The following RPTOR variants were observed in gnomAD, a reference collection of about 807,000 sequenced individuals.
RPTOR encodes regulatory associated protein of MTOR complex 1, also known as regulatory-associated protein of mTOR.
A neutral mutation model predicts 169.9 loss-of-function variants in RPTOR; 21 were observed. The observed-to-expected ratio is 0.12, with a 90% CI of 0.09 to 0.18. The LOEUF (loss-of-function observed/expected upper bound fraction) is 0.18, where lower values mean the gene tolerates loss of function less well. Among genes scored for constraint, RPTOR ranks in the 10% least tolerant of loss-of-function variants. The probability of loss-of-function intolerance (pLI) is 1.00; values close to 1 mark genes in which losing one functional copy is unlikely to be tolerated. For synonymous variants in RPTOR, 732 were observed against 753.2 expected (o/e 0.97, Z 0.46); for missense variants, 1,133 against 1,855.9 (o/e 0.61, Z 7.16).
At chr17:80,849,976 AAG>A (rs10602652) in intron 11 of RPTOR, among the ~76,000 whole-genome samples, 3,080 of 152,312 alleles carry the variant, frequency 0.02, 93 homozygotes, top group African/African-American at 0.071. Flanking sequence ...TAGGTTATGG[AAG>A]AGAGGGGAGA....
rs371742762 is a variant in RPTOR at position 80,576,862 on chromosome 17, C to T, written c.162+31071C>T. Among the ~76,000 whole-genome samples the T allele has an allele frequency of 7.1e-4, 108 of 152,238 alleles. No individual in the cohort carries two copies. The Middle Eastern group carries it at 0.01, about 14-fold the overall frequency. On this transcript the variant is annotated intron_variant, in intron 1 of 33. Transcript: ENST00000306801. Reference sequence around the variant, plus strand: ...GGGACAGCAGGTGTGTACCACCACACCCAGCTAATTTTTGTATTTTTTGTA... The same window carrying T: ...GGGACAGCAGGTGTGTACCACCACATCCAGCTAATTTTTGTATTTTTTGTA...
intron 9 of RPTOR, among the ~76,000 whole-genome samples, chr17:80,831,799 GTGTATCCCTGTGTGTCACCA>G (rs142233822): frequency 2.7e-5 from 4 of 150,838 alleles, no homozygotes; most frequent in African/African-American, 7.3e-5. Context: ...GTGTGTCACC[GTGTATCCCTGTGTGTCACCA>G]TGTATCCCTG....
At chr17:80,742,558 A>G (rs1344813539) in intron 5 of RPTOR, among the ~76,000 whole-genome samples, 1 of 147,028 alleles carries the variant, frequency 6.8e-6, no homozygotes, top group African/African-American at 2.5e-5. Context: ...CTACATTTAC[A>G]TACATGTATG....
chr17:80,624,255 T>A (rs7209279), intron 1 of RPTOR, among the ~76,000 whole-genome samples: 114,294 of 152,166 alleles, frequency 0.75, 43,915 homozygotes, highest in African/African-American at 0.9. Context: ...CAGTTAAAGG[T>A]ACATTTGAAT....
chr17:80,745,450 G>A (rs1347974394), intron 5 of RPTOR, among the ~76,000 whole-genome samples: 1 of 152,156 alleles, frequency 6.6e-6, no homozygotes, highest in East Asian at 1.9e-4. Flanking sequence ...CCAGCAATAG[G>A]CGCAACTTGG....
At chr17:80,591,937 T>C (rs569185435) in intron 1 of RPTOR, among the ~76,000 whole-genome samples, 2 of 152,338 alleles carry the variant, frequency 1.3e-5, no homozygotes, top group African/African-American at 4.8e-5. Context: ...ATCTTCTTTG[T>C]TATCTGTTTG....
chr17:80,700,540 GATGA>G (rs2066080546), intron 3 of RPTOR, among the ~76,000 whole-genome samples: 2 of 99,766 alleles, frequency 2.0e-5, no homozygotes, highest in Non-Finnish European at 4.5e-5. Context: ...TGGTGGTGAT[GATGA>G]TGGTGGTGGT....
At chr17:80,636,728 G>A (rs1449836544) in intron 2 of RPTOR, among the ~76,000 whole-genome samples, 1 of 151,748 alleles carries the variant, frequency 6.6e-6, no homozygotes, top group Non-Finnish European at 1.5e-5. Flanking sequence ...CCCGCAACAC[G>A]CCCCAGTACC....
chr17:80,814,913 A>C (rs1261080026), intron 7 of RPTOR, among the ~76,000 whole-genome samples: 2 of 152,150 alleles, frequency 1.3e-5, no homozygotes, highest in Admixed American at 1.3e-4. Flanking sequence ...GTGTCCTGAG[A>C]GGAGGCCGGA....
chr17:80,744,205 TTACTAGCACTGTCCTGGC>T (rs2066533030), intron 5 of RPTOR, among the ~76,000 whole-genome samples: 1 of 780 alleles, frequency 1.3e-3, no homozygotes, highest in African/African-American at 1.8e-3. Context: ...ACAGCCCTGG[TTACTAGCACTGTCCTGGC>T]TACTAGCACA....
Position 80,665,445 on chromosome 17 carries a change from T to G in RPTOR, c.348+21635T>G, listed in dbSNP as rs1310191373. The stretch of plus-strand genomic sequence containing the variant: ...TTCCTTTCCTTTCCTTTCCTTTCCT[T>G]TCCTTTCCTTTCCTTTCCTTTCCTT... On this transcript the variant is annotated intron_variant, in intron 3 of 33. Transcript: ENST00000306801. 3.6e-3 allele frequency among the ~76,000 whole-genome samples: 77 copies of G among 21,586 alleles called. 3 individuals are homozygous for G. Among genetic ancestry groups the G allele is most frequent in the African/African-American group, 0.035 (71 of 2,004 alleles). 14.2% of individuals were successfully genotyped at this position (21,586 alleles called of 152,430 possible). A position where few individuals can be genotyped will look rare whatever the true frequency, so the allele number is the denominator to read the frequency against.
chr17:80,923,426 A>G (rs1202578073), intron 22 of RPTOR, 64 bp from the exon 23 acceptor site: 13 of 1,590,496 alleles, frequency 8.2e-6, no homozygotes, highest in African/African-American at 1.3e-5. Flanking sequence ...AAGTTGTTCC[A>G]TGTTCCCTCT....
intron 1 of RPTOR, among the ~76,000 whole-genome samples, chr17:80,597,243 A>G (rs1422290372): frequency 6.6e-6 from 1 of 152,146 alleles, no homozygotes; most frequent in African/African-American, 2.4e-5. Context: ...TTGAGCTGGG[A>G]CTTGAAGAAG....
chr17:80,665,274 G>A (rs191703326), intron 3 of RPTOR, among the ~76,000 whole-genome samples: 2 of 151,344 alleles, frequency 1.3e-5, no homozygotes, highest in East Asian at 2.0e-4. Context: ...CATTACCGGC[G>A]TGCATCCTAA....
rs1017166614 is a variant in RPTOR, at chr17:80,952,822, C to A, written c.3370+3275C>A. Among the ~76,000 whole-genome samples, 3 of 150,920 alleles carry A rather than the reference C, an allele frequency of 2.0e-5. No homozygotes were observed. The East Asian group carries it at 5.8e-4, about 29-fold the overall frequency. On this transcript the variant is annotated intron_variant, in intron 28 of 33. Transcript: ENST00000306801. ...CAGTCTAGAAGTGCAGAGCCCAGAC[C>A]CATGCATCTCTCCCTTCTCTTTTTC...
chr17:80,567,399 T>C (rs2064855507), intron 1 of RPTOR, among the ~76,000 whole-genome samples: 1 of 152,148 alleles, frequency 6.6e-6, no homozygotes, highest in African/African-American at 2.4e-5. Context: ...ATAAGAACCT[T>C]ATAGAAGAAG....
Position 80,881,590 on chromosome 17 carries a change from T to G in RPTOR, c.1584+1101T>G, listed in dbSNP as rs190526377. ...TCCCAGCGCTTTGGGAGGCCAAGGC[T>G]GACAGACTGCTTGAGCTCGGGAGTT... is the stretch of plus-strand genomic sequence containing the variant. On this transcript the variant is annotated intron_variant, in intron 14 of 33. Transcript: ENST00000306801. Among the ~76,000 whole-genome samples the G allele has an allele frequency of 4.5e-3, 682 of 152,326 alleles. 3 individuals are homozygous for G. Among genetic ancestry groups the G allele is most frequent in the Non-Finnish European group, 7.0e-3 (479 of 68,028 alleles).
intron 1 of RPTOR, among the ~76,000 whole-genome samples, chr17:80,569,524 CAAA>C (rs1443143795): frequency 6.6e-6 from 1 of 151,794 alleles, no homozygotes; most frequent in Admixed American, 6.6e-5. Context: ...GACTCTGTCT[CAAA>C]AAAATGAATG....
chr17:80,958,750 A>G (rs2069293183), intron 29 of RPTOR, among the ~76,000 whole-genome samples: 1 of 152,138 alleles, frequency 6.6e-6, no homozygotes, highest in South Asian at 2.1e-4. Flanking sequence ...TGCTATTTTC[A>G]GTTTTGACAA....
Sources: gnomAD v4.1 joint callset for allele counts (sites outside exome capture counted in the v4.1 genomes callset) on GRCh38, gnomAD v4.1.1 for gene constraint, MANE v1.5 for transcripts, NCBI Gene and HGNC (gene_info 2026-07-23, HGNC 2026-07-21) for gene names.